Variants in LHFPL3 observed in about 807,000 individuals in gnomAD.
LHFPL3 encodes LHFPL tetraspan subfamily member 3 protein.
In LHFPL3, 5 loss-of-function variants were observed where a neutral mutation model predicts 19.3. The observed-to-expected ratio is 0.26, with a 90% CI of 0.14 to 0.54. LHFPL3 has a LOEUF of 0.54. Ranked by LOEUF, LHFPL3 falls within the 20% of genes least tolerant of loss-of-function variation. The pLI, the probability that LHFPL3 is intolerant of heterozygous loss-of-function variation, is 0.94. For missense variants in LHFPL3, 249 were observed against 307.4 expected, an observed-to-expected ratio of 0.81 and a Z score of 1.42; for synonymous variants, 133 against 126.2, an observed-to-expected ratio of 1.05 and a Z score of -0.36.
chr7:104,580,473 T>G (rs6967399), intron 1 of LHFPL3, among the ~76,000 whole-genome samples: 139,491 of 152,136 alleles, frequency 0.92, 64,273 homozygotes, highest in Non-Finnish European at 0.97. Context: ...CAAGCCATCT[T>G]ATTTTTTATA....
chr7:104,583,948 C>T lies in LHFPL3; in HGVS notation c.446-152727C>T, dbSNP rs572941424. Among the ~76,000 whole-genome samples the T allele has an allele frequency of 1.9e-3, 288 of 151,938 alleles. 1 individual carries two copies. The highest frequency in any genetic ancestry group is 6.8e-3 in the African/African-American group (283 of 41,406). On this transcript the variant is annotated intron_variant, in intron 1 of 2. Coordinates refer to ENST00000424859, the MANE Select transcript of LHFPL3 (RefSeq NM_199000.3). ...AGAAATACCATTTGACCCAGCCATC[C>T]CATTACTGGGTATATACCCAAAGGA...
At position 104,399,636 on chromosome 7, in the gene LHFPL3, A is replaced by AT. The variant is rs1196165566; in HGVS notation, c.445+70429dup. Reference sequence around the variant, plus strand: ...GCCACCACACCGGGCTAAGTTTTGCATTTTTTTTTTTTTTTTTGGTAGAGA... The same window carrying AT: ...GCCACCACACCGGGCTAAGTTTTGCATTTTTTTTTTTTTTTTTTGGTAGAGA... On this transcript the variant is annotated intron_variant, in intron 1 of 2. Transcript: ENST00000424859. This position sits in a 1 kb window ranked among gnomAD's most constrained non-coding sequence, Gnocchi z 4.4. Among the ~76,000 whole-genome samples the AT allele has an allele frequency of 0.13, 16,335 of 123,002 alleles. 1,092 individuals carry two copies. The highest frequency in any genetic ancestry group is 0.23 in the Middle Eastern group (50 of 220). The allele number at this position is 123,002 out of a possible 152,430, so 80.7% of individuals were successfully genotyped here. A position where few individuals can be genotyped will look rare whatever the true frequency, so the allele number is the denominator to read the frequency against.
chr7:104,377,189 A>G (rs912451800), intron 1 of LHFPL3, among the ~76,000 whole-genome samples: 3 of 152,304 alleles, frequency 2.0e-5, no homozygotes, highest in South Asian at 2.1e-4. Flanking sequence ...CACAGGATGG[A>G]AGGATAGAAT....
chr7:104,901,217 G>C (rs1792476561), intron 2 of LHFPL3, among the ~76,000 whole-genome samples: 1 of 152,188 alleles, frequency 6.6e-6, no homozygotes, highest in African/African-American at 2.4e-5. Flanking sequence ...CCTTCAGGTG[G>C]AAAACTCTTC....
rs761695187 is a variant in LHFPL3, at chr7:104,736,784, A to G, written c.555A>G (p.Ser185=). 3 of 1,613,684 alleles carry G rather than the reference A, an allele frequency of 1.9e-6. No individual in the cohort carries two copies. Among genetic ancestry groups the G allele is most frequent in the East Asian group, 2.2e-5 (1 of 44,862 alleles). ...KTDKYTLGAC[S]VRWAYILAII... ...ACAAGTACACTCTTGGGGCTTGCTC[A>G]GTCCGCTGGGCATACATCCTGGCTA... The change falls in exon 2 of 3, where the codon TCA becomes TCG. Residue 185 remains serine, a synonymous_variant. Coordinates refer to ENST00000424859, the MANE Select transcript of LHFPL3 (RefSeq NM_199000.3).
chr7:104,722,955 C>T (rs1346649322), intron 1 of LHFPL3, among the ~76,000 whole-genome samples: 2 of 152,166 alleles, frequency 1.3e-5, no homozygotes, highest in South Asian at 2.1e-4. Flanking sequence ...AGGTTCACAA[C>T]GTTAAAAGCC....
chr7:104,881,389 T>C (rs568413399), intron 2 of LHFPL3, among the ~76,000 whole-genome samples: 2 of 152,318 alleles, frequency 1.3e-5, no homozygotes, highest in African/African-American at 2.4e-5. Context: ...TTGGAAGAAG[T>C]TGACTCCAGC....
intron 1 of LHFPL3, among the ~76,000 whole-genome samples, chr7:104,648,004 G>C (rs544112668): frequency 6.6e-6 from 1 of 152,146 alleles, no homozygotes; most frequent in Non-Finnish European, 1.5e-5. Context: ...GGATTAACTC[G>C]TATTTGCAGT....
chr7:104,613,686 T>C (rs1452081643), intron 1 of LHFPL3, among the ~76,000 whole-genome samples: 2 of 152,180 alleles, frequency 1.3e-5, no homozygotes, highest in Admixed American at 1.3e-4. Flanking sequence ...TACTCTTGAG[T>C]ATCTCCAACC....
intron 2 of LHFPL3, among the ~76,000 whole-genome samples, chr7:104,774,546 G>T (rs1168977457): frequency 2.6e-5 from 4 of 152,176 alleles, no homozygotes; most frequent in African/African-American, 9.7e-5. Flanking sequence ...CAGAGAGAAA[G>T]GATCTTTGCA....
At chr7:104,824,749 ATATAT>A (rs1229441242) in intron 2 of LHFPL3, among the ~76,000 whole-genome samples, 14 of 70,762 alleles carry the variant, frequency 2.0e-4, no homozygotes, top group Admixed American at 1.6e-3. Flanking sequence ...AGTCTTACTC[ATATAT>A]TATATATAAT....
At chr7:104,652,208 C>T (rs1346956936) in intron 1 of LHFPL3, among the ~76,000 whole-genome samples, 1 of 152,064 alleles carries the variant, frequency 6.6e-6, no homozygotes, top group Non-Finnish European at 1.5e-5. Flanking sequence ...GACTTGACAA[C>T]CTGGGGCAGT....
intron 1 of LHFPL3, among the ~76,000 whole-genome samples, chr7:104,696,521 A>G (rs907638205): frequency 2.0e-5 from 3 of 152,072 alleles, no homozygotes; most frequent in African/African-American, 7.2e-5. Context: ...AGCCCACCTT[A>G]TAAAGGATAG....
intron 1 of LHFPL3, among the ~76,000 whole-genome samples, chr7:104,521,132 A>G (rs1024689495): frequency 1.3e-5 from 2 of 151,982 alleles, no homozygotes; most frequent in African/African-American, 4.8e-5. Context: ...CATCCCAGAG[A>G]TTCTGGTATG....
chr7:104,356,553 G>A (rs1467220554), intron 1 of LHFPL3, among the ~76,000 whole-genome samples: 3 of 152,122 alleles, frequency 2.0e-5, no homozygotes, highest in South Asian at 2.1e-4. Flanking sequence ...AACAGGTGGA[G>A]TAGGTGGAGG....
chr7:104,588,521 C>T (rs148662969), intron 1 of LHFPL3, among the ~76,000 whole-genome samples: 6,570 of 152,166 alleles, frequency 0.043, 163 homozygotes, highest in African/African-American at 0.062. Context: ...TTACTGTAGC[C>T]TTGTAGTGTA....
intron 1 of LHFPL3, among the ~76,000 whole-genome samples, chr7:104,464,561 C>G (rs767724355): frequency 1.3e-5 from 2 of 152,246 alleles, no homozygotes; most frequent in Non-Finnish European, 2.9e-5. Flanking sequence ...GAAATCTAGG[C>G]AGAGATTCCC....
chr7:104,592,286 G>A (rs934829168), intron 1 of LHFPL3, among the ~76,000 whole-genome samples: 10 of 152,224 alleles, frequency 6.6e-5, no homozygotes, highest in East Asian at 5.8e-4. Flanking sequence ...TGATGGTGAC[G>A]TACAGATGGG....
intron 1 of LHFPL3, among the ~76,000 whole-genome samples, chr7:104,452,037 C>T (rs909045987): frequency 1.3e-5 from 2 of 152,040 alleles, no homozygotes; most frequent in African/African-American, 4.8e-5. Flanking sequence ...TGGGCCACCG[C>T]ACCCAGCCTA....
Sources: allele counts gnomAD v4.1 joint callset (sites outside exome capture counted in the v4.1 genomes callset), GRCh38; gene constraint gnomAD v4.1.1; non-coding constraint Gnocchi (gnomAD v3.1); transcripts MANE v1.5; gene names NCBI Gene and HGNC (gene_info 2026-07-23, HGNC 2026-07-21).